Variants in IL13RA1 observed in about 807,000 individuals in gnomAD.
IL13RA1 encodes interleukin-13 receptor subunit alpha-1.
Under a neutral mutation model 33.8 loss-of-function variants are expected in IL13RA1, and 14 were observed. That is an observed-to-expected ratio of 0.41 (90% CI 0.27 to 0.65). The LOEUF is 0.65. IL13RA1 is among the 30% of genes least tolerant of loss of function. IL13RA1 has a pLI of 0.28. For synonymous variants in IL13RA1, 116 were observed against 115.7 expected (o/e 1.00, Z -0.02); for missense variants, 313 against 327.0 (o/e 0.96, Z 0.33).
At position 118,761,191 on chromosome X, in the gene IL13RA1, T is replaced by A. The variant is rs1208707310; in HGVS notation, c.730T>A (p.Tyr244Asn). Residue 244 changes from tyrosine to asparagine, a missense_variant, in exon 6 of 11, where the codon TAT becomes AAT. Coordinates refer to ENST00000371666, the MANE Select transcript of IL13RA1 (RefSeq NM_001560.3). ...CCTCTCCTTCCACAATGATGACCTA[T>A]ATGTGCAATGGGAGAATCCACAGAA... ...KNLSFHNDDL[Y>N]VQWENPQNFI... The A allele has an allele frequency of 9.9e-7, 1 of 1,010,425 alleles. No individual in the cohort carries two copies. The highest frequency in any genetic ancestry group is 1.4e-6 in the Non-Finnish European group (1 of 719,957). 83.3% of individuals were successfully genotyped at this position (1,010,425 alleles called of 1,213,427 possible).
chrX:118,770,455 C>T (rs779199003), intron 8 of IL13RA1: 10 of 420,985 alleles, frequency 2.4e-5, no homozygotes, highest in Non-Finnish European at 4.4e-5. Context: ...CACAGCACCC[C>T]TGCCCAACTG....
At chrX:118,768,246 C>T (rs190534011) in intron 8 of IL13RA1, among the ~76,000 whole-genome samples, 72 of 112,062 alleles carry the variant, frequency 6.4e-4, no homozygotes, top group African/African-American at 1.9e-3. Flanking sequence ...TGGTTGTATT[C>T]GTTTATTTAT....
intron 3 of IL13RA1, 41 bp downstream of exon 3, chrX:118,747,133 A>T (rs201812055): frequency 2.9e-5 from 25 of 864,399 alleles, no homozygotes; most frequent in Non-Finnish European, 4.0e-5. Flanking sequence ...TTAGAGAATA[A>T]ATCTGAATGC....
At chrX:118,754,675 T>TC (rs111476673) in intron 4 of IL13RA1, among the ~76,000 whole-genome samples, 12,774 of 109,075 alleles carry the variant, frequency 0.12, 1,905 homozygotes, top group African/African-American at 0.4. Context: ...TTATTGTTAT[T>TC]ATCCCCACTC....
At chrX:118,803,170 GT>G in the IL13RA1 span, among the ~76,000 whole-genome samples, 1 of 112,252 alleles carries the variant, frequency 8.9e-6, no homozygotes, top group Non-Finnish European at 1.9e-5. Flanking sequence ...GGGCTAAGAA[GT>G]TTGTGGGTTA....
At chrX:118,752,867 G>A (rs1483359156) in intron 4 of IL13RA1, among the ~76,000 whole-genome samples, 2 of 112,218 alleles carry the variant, frequency 1.8e-5, no homozygotes, top group Non-Finnish European at 3.8e-5. Flanking sequence ...GAATTGCTAA[G>A]AAGGGGCCAA....
intron 1 of IL13RA1, among the ~76,000 whole-genome samples, chrX:118,740,541 C>T (rs2017330926): frequency 8.9e-6 from 1 of 111,794 alleles, no homozygotes; most frequent in Non-Finnish European, 1.9e-5. Context: ...ACCTGTAATC[C>T]CAGAACTTTG....
At chrX:118,784,154 TAC>T (rs2017890477) in intron 10 of IL13RA1, among the ~76,000 whole-genome samples, 1 of 95,086 alleles carries the variant, frequency 1.1e-5, no homozygotes, top group Non-Finnish European at 2.0e-5. Context: ...TATACGTATA[TAC>T]ACATATATAC....
At position 118,793,755 on chromosome X, in the gene IL13RA1, T is replaced by A. The variant is rs767092733; in HGVS notation, c.*1901T>A. The A allele has an allele frequency of 8.1e-5, 9 of 111,706 alleles. No individual in the cohort carries two copies. Among genetic ancestry groups the A allele is most frequent in the Non-Finnish European group, 1.5e-4 (8 of 53,135 alleles). The allele number at this position is 111,706 out of a possible 1,213,427, so 9.2% of individuals were successfully genotyped here. A position where few individuals can be genotyped will look rare whatever the true frequency, so the allele number is the denominator to read the frequency against. On this transcript the variant is annotated 3_prime_UTR_variant, in exon 11 of 11. Transcript: ENST00000371666. ...GGGAGGGGAGATAAGAAACCCTCAC[T>A]CTCTACAGGTTTGGGTACAAGTGGC...
intron 1 of IL13RA1, among the ~76,000 whole-genome samples, chrX:118,728,786 G>A (rs1442167302): frequency 8.9e-6 from 1 of 111,754 alleles, no homozygotes; most frequent in Non-Finnish European, 1.9e-5. Context: ...GAGCAAAACA[G>A]ATGAGGTGCC....
Position 118,758,162 on chromosome X carries a change from A to C in IL13RA1, c.596A>C (p.Gln199Pro). 8.7e-7 allele frequency: 1 copy of C among 1,145,006 alleles called. No homozygotes were observed. Among genetic ancestry groups the C allele is most frequent in the Non-Finnish European group, 1.2e-6 (1 of 837,670 alleles). 94.4% of individuals were successfully genotyped at this position (1,145,006 alleles called of 1,213,427 possible). A position where few individuals can be genotyped will look rare whatever the true frequency, so the allele number is the denominator to read the frequency against. ...LTKVKDSSFEQHSVQIMVKDN... is the reference protein window; with the variant it reads ...LTKVKDSSFEPHSVQIMVKDN... The stretch of plus-strand genomic sequence containing the variant: ...AAAGTGAAGGATTCCAGTTTTGAAC[A>C]ACACAGTGTCCAAATAATGGTCAAG... Residue 199 changes from glutamine to proline, a missense_variant, in exon 5 of 11, where the codon CAA becomes CCA. Physicochemically the swap from Gln to Pro is moderately conservative, Grantham distance 76 (BLOSUM62 -1). Coordinates refer to ENST00000371666, the MANE Select transcript of IL13RA1 (RefSeq NM_001560.3).
intron 4 of IL13RA1, among the ~76,000 whole-genome samples, chrX:118,753,810 G>A (rs940822440): frequency 1.8e-5 from 2 of 112,689 alleles, no homozygotes; most frequent in Non-Finnish European, 3.8e-5. Context: ...ATGAGCCACC[G>A]CACCTGGCCT....
downstream of IL13RA1, among the ~76,000 whole-genome samples, chrX:118,797,619 G>C (rs2018038790): frequency 8.9e-6 from 1 of 112,168 alleles, no homozygotes; most frequent in African/African-American, 3.2e-5. Context: ...ATGGAAAAAG[G>C]AACTTTGCAG....
chrX:118,741,242 G>T (rs150194749), intron 2 of IL13RA1, 86 bp downstream of exon 2: 1 of 599,326 alleles, frequency 1.7e-6, no homozygotes. Context: ...CTAGTCTTAC[G>T]TCAAAGTGGA....
intron 1 of IL13RA1, among the ~76,000 whole-genome samples, chrX:118,733,643 T>G (rs1463580868): frequency 8.9e-6 from 1 of 112,172 alleles, no homozygotes; most frequent in African/African-American, 3.2e-5. Context: ...AATTCGTCAA[T>G]TTTTTCTTTT....
chrX:118,801,282 C>G, the IL13RA1 span, among the ~76,000 whole-genome samples: 1 of 112,096 alleles, frequency 8.9e-6, no homozygotes, highest in African/African-American at 3.2e-5. Context: ...TAACTTTTAT[C>G]TGCAAGGTTT....
At chrX:118,736,533 G>GT (rs751053252) in intron 1 of IL13RA1, among the ~76,000 whole-genome samples, 69 of 111,702 alleles carry the variant, frequency 6.2e-4, no homozygotes, top group African/African-American at 2.0e-3. Flanking sequence ...GTCTTCTCAG[G>GT]TTTTTTTCTG....
At chrX:118,800,985 T>C in the IL13RA1 span, among the ~76,000 whole-genome samples, 1 of 111,417 alleles carries the variant, frequency 9.0e-6, no homozygotes, top group South Asian at 3.8e-4. Context: ...GATGGGGGTC[T>C]CCCTGTGTTG....
chrX:118,759,591 T>C (rs945287090), intron 5 of IL13RA1, among the ~76,000 whole-genome samples: 7 of 110,274 alleles, frequency 6.3e-5, no homozygotes, highest in Admixed American at 1.9e-4. Flanking sequence ...TTAAGTCTTA[T>C]TTTGCTGTTT....
Sources: allele counts gnomAD v4.1 joint callset (sites outside exome capture counted in the v4.1 genomes callset), GRCh38; gene constraint gnomAD v4.1.1; transcripts MANE v1.5; gene names NCBI Gene and HGNC (gene_info 2026-07-23, HGNC 2026-07-21).